The following PRKG1 variants were observed in gnomAD, a reference collection of about 807,000 sequenced individuals.
PRKG1 encodes protein kinase cGMP-dependent 1.
A neutral mutation model predicts 88.1 loss-of-function variants in PRKG1; 35 were observed. The observed-to-expected ratio is 0.40, with a 90% CI of 0.30 to 0.53. PRKG1 has a LOEUF of 0.53. Among genes scored for constraint, PRKG1 ranks in the 20% least tolerant of loss-of-function variants. PRKG1 has a pLI of 0.59. For synonymous variants in PRKG1, 303 were observed against 292.5 expected (o/e 1.04, Z -0.37); for missense variants, 540 against 839.8 (o/e 0.64, Z 4.41).
chr10:51,344,244 A>T (rs1028575438), intron 2 of PRKG1, among the ~76,000 whole-genome samples: 8 of 152,116 alleles, frequency 5.3e-5, no homozygotes, highest in Non-Finnish European at 1.0e-4. Context: ...GAGGAGTAGG[A>T]GCAGGAGAGA....
chr10:51,288,019 G>A (rs537402661), intron 2 of PRKG1, among the ~76,000 whole-genome samples: 1 of 152,120 alleles, frequency 6.6e-6, no homozygotes, highest in South Asian at 2.1e-4. Context: ...AATTAAAATA[G>A]CATGTGTTGA....
At chr10:51,574,228 T>G (rs189711077) in intron 3 of PRKG1, among the ~76,000 whole-genome samples, 1 of 152,090 alleles carries the variant, frequency 6.6e-6, no homozygotes, top group African/African-American at 2.4e-5. Flanking sequence ...AATTTACATC[T>G]TCATCTTAGT....
At chr10:52,245,087 A>G (rs11001343) in intron 9 of PRKG1, among the ~76,000 whole-genome samples, 77,998 of 150,832 alleles carry the variant, frequency 0.52, 21,963 homozygotes, top group East Asian at 0.79. Flanking sequence ...ATCAGGAACA[A>G]TTATCACATA....
In PRKG1 at chr10:51,905,402, A is replaced by G. The variant is rs1459160638; in HGVS notation, c.699-2105A>G. Among the ~76,000 whole-genome samples, 3 of 152,186 alleles carry G rather than the reference A, an allele frequency of 2.0e-5. No individual in the cohort carries two copies. The East Asian group carries it at 5.8e-4, about 29-fold the overall frequency. On this transcript the variant is annotated intron_variant, in intron 4 of 17. Coordinates refer to ENST00000373980, the MANE Select transcript of PRKG1 (RefSeq NM_006258.4). ...GTTCATGCTTTTACCAAAAGAGAGCATTATTGTTTCTTTTATGGTATCATT... is the reference window on the plus strand; with the variant it reads ...GTTCATGCTTTTACCAAAAGAGAGCGTTATTGTTTCTTTTATGGTATCATT...
At chr10:51,272,458 A>T (rs1840006765) in intron 2 of PRKG1, among the ~76,000 whole-genome samples, 1 of 152,104 alleles carries the variant, frequency 6.6e-6, no homozygotes, top group African/African-American at 2.4e-5. Context: ...ATACCTATGT[A>T]ACAAACCTGC....
intron 9 of PRKG1, among the ~76,000 whole-genome samples, chr10:52,172,645 C>T (rs1311505219): frequency 6.6e-6 from 1 of 152,184 alleles, no homozygotes; most frequent in Non-Finnish European, 1.5e-5. Flanking sequence ...TCCTTTTCTT[C>T]TTAAGTGAAG....
At chr10:51,140,744 T>C (rs1845800518) in intron 1 of PRKG1, among the ~76,000 whole-genome samples, 1 of 152,180 alleles carries the variant, frequency 6.6e-6, no homozygotes. Context: ...TCTTTGTTTA[T>C]TCTGGGAAAT....
At chr10:52,110,315 G>A (rs1847531862) in intron 7 of PRKG1, among the ~76,000 whole-genome samples, 1 of 152,150 alleles carries the variant, frequency 6.6e-6, no homozygotes, top group Non-Finnish European at 1.5e-5. Flanking sequence ...CTGCGTGAAA[G>A]TGCGAGACTC....
At chr10:51,887,447 G>A (rs1168634210) in intron 4 of PRKG1, among the ~76,000 whole-genome samples, 2 of 149,652 alleles carry the variant, frequency 1.3e-5, no homozygotes, top group Non-Finnish European at 3.0e-5. Flanking sequence ...TGGGACTGCT[G>A]TATCATACAG....
chr10:51,205,127 C>CTTTCTTTTTTTTTTT (rs1433048297), intron 2 of PRKG1, among the ~76,000 whole-genome samples: 1,057 of 64,070 alleles, frequency 0.016, 180 homozygotes, highest in East Asian at 0.023. Flanking sequence ...ATTTTCTTTT[C>CTTTCTTTTTTTTTTT]TTTTTTTTTT....
chr10:51,302,704 A>G (rs1443566894), intron 2 of PRKG1: 1 of 152,130 alleles, frequency 6.6e-6, no homozygotes, highest in African/African-American at 2.4e-5. Context: ...AACATTTGAG[A>G]TGTACTTTAT....
intron 3 of PRKG1, among the ~76,000 whole-genome samples, chr10:51,689,034 TCTGCCTA>T: frequency 6.6e-6 from 1 of 152,188 alleles, no homozygotes; most frequent in Non-Finnish European, 1.5e-5. Context: ...ACAAGCTCTC[TCTGCCTA>T]CTGCCATCCA....
intron 3 of PRKG1, among the ~76,000 whole-genome samples, chr10:51,628,852 G>A (rs945796445): frequency 7.2e-5 from 11 of 151,762 alleles, no homozygotes; most frequent in Non-Finnish European, 1.0e-4. Flanking sequence ...CCAGCTACTC[G>A]GGAGGCTGAG....
chr10:52,056,590 C>T (rs1412652215), intron 6 of PRKG1, among the ~76,000 whole-genome samples: 1 of 152,076 alleles, frequency 6.6e-6, no homozygotes, highest in East Asian at 1.9e-4. Context: ...TTTCAGAGCA[C>T]TCTGGGGATT....
chr10:51,139,739 CTTATGTT>C (rs1464086873), intron 1 of PRKG1, among the ~76,000 whole-genome samples: 6 of 152,158 alleles, frequency 3.9e-5, no homozygotes, highest in African/African-American at 7.2e-5. Flanking sequence ...CTAGGCCATC[CTTATGTT>C]TTACTTGAAA....
intron 3 of PRKG1, among the ~76,000 whole-genome samples, chr10:51,657,963 G>T (rs550295664): frequency 2.1e-4 from 32 of 152,162 alleles, no homozygotes; most frequent in African/African-American, 6.7e-4. Flanking sequence ...CAAGTTTTTT[G>T]ATTGCAGAAA....
intron 2 of PRKG1, among the ~76,000 whole-genome samples, chr10:51,181,367 G>C (rs949874535): frequency 6.8e-6 from 1 of 146,156 alleles, no homozygotes; most frequent in African/African-American, 2.5e-5. Flanking sequence ...TCAGCCTCCC[G>C]AGTAGCTGGG....
At chr10:51,364,338 A>G (rs1287799878) in intron 2 of PRKG1, among the ~76,000 whole-genome samples, 1 of 151,928 alleles carries the variant, frequency 6.6e-6, no homozygotes, top group Non-Finnish European at 1.5e-5. Flanking sequence ...CTTGTCTTTT[A>G]TATACAAATA....
rs73331908 is a variant in PRKG1 at position 51,282,906 on chromosome 10, G to A, written c.478+129576G>A. Reference sequence around the variant, plus strand: ...GGTACATGTGCAGGTTTGTTACATGGGTATGTTGTGTGATTGATGTTGAGG... The same window carrying A: ...GGTACATGTGCAGGTTTGTTACATGAGTATGTTGTGTGATTGATGTTGAGG... On this transcript the variant is annotated intron_variant, in intron 2 of 17. Transcript: ENST00000373980. 5.5e-3 allele frequency among the ~76,000 whole-genome samples: 831 copies of A among 152,076 alleles called. 11 individuals carry two copies. Among genetic ancestry groups the A allele is most frequent in the African/African-American group, 0.019 (788 of 41,480 alleles).
Sources: gnomAD v4.1 joint callset for allele counts (sites outside exome capture counted in the v4.1 genomes callset) on GRCh38, gnomAD v4.1.1 for gene constraint, MANE v1.5 for transcripts, NCBI Gene and HGNC (gene_info 2026-07-23, HGNC 2026-07-21) for gene names.